Variants in SLC44A1 observed in about 807,000 individuals in gnomAD.
SLC44A1 encodes the protein solute carrier family 44 member 1.
Under a neutral mutation model 79.3 loss-of-function variants are expected in SLC44A1, and 26 were observed. That is an observed-to-expected ratio of 0.33 (90% CI 0.24 to 0.46). The LOEUF (loss-of-function observed/expected upper bound fraction) is 0.46. Ranked by LOEUF, SLC44A1 falls within the 20% of genes least tolerant of loss-of-function variation. The probability of loss-of-function intolerance (pLI) is 1.00; values close to 1 mark genes in which losing one functional copy is unlikely to be tolerated. For missense variants in SLC44A1, 688 were observed against 798.1 expected, an observed-to-expected ratio of 0.86 and a Z score of 1.66; for synonymous variants, 263 against 286.2, an observed-to-expected ratio of 0.92 and a Z score of 0.82.
At chr9:105,296,693 A>G (rs1427120102) in intron 1 of SLC44A1, among the ~76,000 whole-genome samples, 1 of 152,242 alleles carries the variant, frequency 6.6e-6, no homozygotes, top group East Asian at 1.9e-4. Context: ...TTTTACTGTA[A>G]TGGGTACTAT....
intron 15 of SLC44A1, among the ~76,000 whole-genome samples, chr9:105,434,184 A>G (rs1316694197): frequency 5.3e-5 from 8 of 152,132 alleles, no homozygotes; most frequent in Non-Finnish European, 1.5e-5. Context: ...TTAAATAAAT[A>G]CAAAAATTAG....
intron 1 of SLC44A1, among the ~76,000 whole-genome samples, chr9:105,260,424 A>C (rs1279673570): frequency 6.6e-6 from 1 of 152,142 alleles, no homozygotes; most frequent in African/African-American, 2.4e-5. Context: ...ATTCTCCCAA[A>C]TGACAACAAA....
chr9:105,415,176 C>T (rs997223952), intron 15 of SLC44A1, among the ~76,000 whole-genome samples: 1 of 152,096 alleles, frequency 6.6e-6, no homozygotes, highest in Non-Finnish European at 1.5e-5. Context: ...CTTTGGCAGC[C>T]TGATTGTTTC....
At chr9:105,293,358 AG>A (rs959145768) in intron 1 of SLC44A1, among the ~76,000 whole-genome samples, 16 of 152,252 alleles carry the variant, frequency 1.1e-4, no homozygotes, top group African/African-American at 3.4e-4. Context: ...TCATACAGGC[AG>A]TAAGCACAGA....
At chr9:105,414,306 C>T (rs565387034) in intron 15 of SLC44A1, among the ~76,000 whole-genome samples, 95 of 152,222 alleles carry the variant, frequency 6.2e-4, no homozygotes, top group African/African-American at 2.2e-3. Context: ...CCGCCCGCCT[C>T]GGCCTCCCAA....
chr9:105,253,412 T>C (rs575208744), intron 1 of SLC44A1, among the ~76,000 whole-genome samples: 62 of 152,326 alleles, frequency 4.1e-4, no homozygotes, highest in African/African-American at 1.5e-3. Flanking sequence ...CATTTTGAAC[T>C]ACTTATGATG....
chr9:105,326,586 G>A (rs1021188342), intron 3 of SLC44A1, among the ~76,000 whole-genome samples: 1 of 152,012 alleles, frequency 6.6e-6, no homozygotes, highest in Non-Finnish European at 1.5e-5. Flanking sequence ...TGGCTCTTTC[G>A]TCATCTTGCT....
intron 12 of SLC44A1, among the ~76,000 whole-genome samples, chr9:105,371,906 G>A (rs1828116629): frequency 6.6e-6 from 1 of 152,014 alleles, no homozygotes; most frequent in South Asian, 2.1e-4. Flanking sequence ...CTTCTTCATT[G>A]TTTTTCAGCA....
At chr9:105,377,819 T>C (rs920326985) in intron 13 of SLC44A1, among the ~76,000 whole-genome samples, 1 of 152,168 alleles carries the variant, frequency 6.6e-6, no homozygotes, top group African/African-American at 2.4e-5. Flanking sequence ...AAAATTGGCT[T>C]TTTTTAGCAG....
intron 15 of SLC44A1, among the ~76,000 whole-genome samples, chr9:105,407,420 A>G (rs1304237158): frequency 1.3e-5 from 2 of 152,260 alleles, no homozygotes; most frequent in Non-Finnish European, 2.9e-5. Flanking sequence ...TATTGAGTGC[A>G]GCAAGAGGGA....
intron 1 of SLC44A1, among the ~76,000 whole-genome samples, chr9:105,262,492 G>T (rs1231178882): frequency 1.3e-5 from 2 of 152,192 alleles, no homozygotes; most frequent in Non-Finnish European, 2.9e-5. Flanking sequence ...TAATAAATGA[G>T]TTTTCTTCTT....
At chr9:105,350,525 A>G (rs556791302) in intron 5 of SLC44A1, among the ~76,000 whole-genome samples, 1 of 152,236 alleles carries the variant, frequency 6.6e-6, no homozygotes, top group East Asian at 1.9e-4. Context: ...CAAAACTATG[A>G]GGCAGGCAAG....
chr9:105,299,381 A>C (rs2131288689), intron 2 of SLC44A1, 72 bp downstream of exon 2: 1 of 1,029,868 alleles, frequency 9.7e-7, no homozygotes, highest in Non-Finnish European at 1.4e-6. Context: ...TGTTTTAATG[A>C]GGGCAGTTGT....
intron 3 of SLC44A1, among the ~76,000 whole-genome samples, chr9:105,331,645 ATTAG>A (rs1475187350): frequency 4.6e-5 from 7 of 152,256 alleles, no homozygotes; most frequent in South Asian, 2.1e-4. Context: ...TTAAATATGA[ATTAG>A]TTAAAGTATA....
At chr9:105,372,534 C>A (rs1828136146) in intron 12 of SLC44A1, among the ~76,000 whole-genome samples, 1 of 152,016 alleles carries the variant, frequency 6.6e-6, no homozygotes, top group South Asian at 2.1e-4. Flanking sequence ...AGGCAATCCA[C>A]CTGCCTCGAC....
In SLC44A1 at chr9:105,320,454, G is replaced by A. The variant is rs1444576231; in HGVS notation, c.269+10588G>A. On this transcript the variant is annotated intron_variant, in intron 3 of 15. Transcript: ENST00000374720. ...TAACTTTATAAGAAATTATCAAGCT[G>A]TTTCCCAAAGTGGTTGCTGCACTAT... Among the ~76,000 whole-genome samples, 3 of 152,082 alleles carry A rather than the reference G, an allele frequency of 2.0e-5. No homozygotes were observed. In the East Asian group the frequency reaches 5.8e-4, roughly 29 times the overall value.
chr9:105,376,538 T>G (rs964102886), intron 13 of SLC44A1, among the ~76,000 whole-genome samples: 4 of 152,072 alleles, frequency 2.6e-5, no homozygotes, highest in African/African-American at 9.7e-5. Context: ...CATGCCCATC[T>G]AATTTTTGTA....
intron 3 of SLC44A1, among the ~76,000 whole-genome samples, chr9:105,323,745 A>G (rs986566699): frequency 1.3e-5 from 2 of 152,160 alleles, no homozygotes; most frequent in Non-Finnish European, 2.9e-5. Context: ...GATTCTCACT[A>G]TCCCTGGGAA....
At chr9:105,418,314 CAAA>C (rs10617928) in intron 15 of SLC44A1, among the ~76,000 whole-genome samples, 3,844 of 57,840 alleles carry the variant, frequency 0.066, 118 homozygotes, top group African/African-American at 0.18. Context: ...AACTCCGTCT[CAAA>C]AAAAAAAAAA....
Sources: allele counts gnomAD v4.1 joint callset (sites outside exome capture counted in the v4.1 genomes callset), GRCh38; gene constraint gnomAD v4.1.1; transcripts MANE v1.5; gene names NCBI Gene and HGNC (gene_info 2026-07-23, HGNC 2026-07-21).